The following EYA2 variants were observed in gnomAD, a reference collection of about 807,000 sequenced individuals.
The protein encoded by EYA2 is protein phosphatase EYA2.
EYA2 carries 31 observed loss-of-function variants against 69.2 expected under a neutral mutation model. The ratio of observed to expected loss-of-function variants is 0.45; its 90% CI spans 0.34 to 0.60. The LOEUF (loss-of-function observed/expected upper bound fraction) is 0.60. Among genes scored for constraint, EYA2 ranks in the 20% least tolerant of loss-of-function variants. The pLI, the probability that EYA2 is intolerant of heterozygous loss-of-function variation, is 0.02. For synonymous variants in EYA2, 257 were observed against 279.4 expected (o/e 0.92, Z 0.80); for missense variants, 622 against 701.2 (o/e 0.89, Z 1.28).
chr20:47,148,416 T>TG (rs2033752936), intron 10 of EYA2, among the ~76,000 whole-genome samples: 1 of 152,184 alleles, frequency 6.6e-6, no homozygotes, highest in African/African-American at 2.4e-5. Context: ...GATAGGCAAG[T>TG]GGGGGTTCTA....
intron 1 of EYA2, among the ~76,000 whole-genome samples, chr20:46,952,775 CTGAAA>C (rs150282525): frequency 0.036 from 5,425 of 152,278 alleles, 115 homozygotes; most frequent in East Asian, 0.058. Flanking sequence ...CCCACGCTTG[CTGAAA>C]TAAGAACCTC....
At chr20:46,970,079 C>T (rs1224435216) in intron 1 of EYA2, among the ~76,000 whole-genome samples, 1 of 152,202 alleles carries the variant, frequency 6.6e-6, no homozygotes, top group Non-Finnish European at 1.5e-5. Context: ...AAACATAGAT[C>T]AACTCAAAGG....
At chr20:46,988,850 G>A (rs1319867208) in intron 1 of EYA2, among the ~76,000 whole-genome samples, 2 of 151,938 alleles carry the variant, frequency 1.3e-5, no homozygotes, top group Admixed American at 1.3e-4. Flanking sequence ...CTACAGGCAT[G>A]TGCCACCATG....
At chr20:47,009,680 A>C (rs1378765301) in intron 4 of EYA2, among the ~76,000 whole-genome samples, 1 of 152,212 alleles carries the variant, frequency 6.6e-6, no homozygotes, top group Admixed American at 6.5e-5. Context: ...TTGTCTTAGC[A>C]GACCACACAG....
intron 5 of EYA2, among the ~76,000 whole-genome samples, chr20:47,052,400 G>A (rs2030385666): frequency 6.6e-6 from 1 of 152,152 alleles, no homozygotes; most frequent in African/African-American, 2.4e-5. Context: ...GGCAGCATCA[G>A]CATCACGAGG....
intron 9 of EYA2, among the ~76,000 whole-genome samples, chr20:47,124,048 GGA>G (rs1247336525): frequency 6.6e-6 from 1 of 152,074 alleles, no homozygotes; most frequent in Non-Finnish European, 1.5e-5. Context: ...ACATGTAGAA[GGA>G]GAGAGTCCTG....
chr20:46,959,761 C>G (rs1268116856), intron 1 of EYA2, among the ~76,000 whole-genome samples: 4 of 152,200 alleles, frequency 2.6e-5, no homozygotes, highest in Non-Finnish European at 4.4e-5. Context: ...ACGTCGTTGT[C>G]CTGCACCTGG....
intron 2 of EYA2, among the ~76,000 whole-genome samples, chr20:46,995,824 C>T (rs1981982828): frequency 6.6e-6 from 1 of 152,142 alleles, no homozygotes; most frequent in Non-Finnish European, 1.5e-5. Context: ...TAACCAAGGG[C>T]CCCCAGGAGA....
At chr20:47,114,275 C>G (rs1469763034) in intron 9 of EYA2, among the ~76,000 whole-genome samples, 2 of 152,162 alleles carry the variant, frequency 1.3e-5, no homozygotes, top group Non-Finnish European at 2.9e-5. Flanking sequence ...TTTCTGTCCC[C>G]CTTTAAGGGT....
intron 9 of EYA2, among the ~76,000 whole-genome samples, chr20:47,104,054 C>T (rs1252583884): frequency 6.6e-6 from 1 of 152,166 alleles, no homozygotes; most frequent in Admixed American, 6.5e-5. Flanking sequence ...TTTACCTTCC[C>T]ATCAGCCATG....
chr20:47,124,358 C>T (rs772958031), intron 9 of EYA2, among the ~76,000 whole-genome samples: 8 of 152,116 alleles, frequency 5.3e-5, no homozygotes, highest in Non-Finnish European at 1.2e-4. Flanking sequence ...TCACTTATGT[C>T]AAGGGTGTGC....
At chr20:47,155,798 C>T (rs1178278056) in intron 10 of EYA2, among the ~76,000 whole-genome samples, 6 of 151,500 alleles carry the variant, frequency 4.0e-5, no homozygotes, top group Non-Finnish European at 7.4e-5. Context: ...GACTTCTCTG[C>T]TAATGTCTAT....
At chr20:47,135,447 T>G (rs1167673634) in intron 9 of EYA2, among the ~76,000 whole-genome samples, 2 of 151,806 alleles carry the variant, frequency 1.3e-5, no homozygotes, top group Non-Finnish European at 2.9e-5. Context: ...TCACTAGAGA[T>G]TGGCCATTAT....
intron 9 of EYA2, among the ~76,000 whole-genome samples, chr20:47,137,698 A>T (rs1318692068): frequency 6.6e-6 from 1 of 152,130 alleles, no homozygotes; most frequent in East Asian, 1.9e-4. Flanking sequence ...CTCACTCCAG[A>T]TGTATTTCAC....
intron 2 of EYA2, among the ~76,000 whole-genome samples, chr20:46,994,238 G>A (rs1413390393): frequency 6.6e-6 from 1 of 152,208 alleles, no homozygotes; most frequent in Non-Finnish European, 1.5e-5. Context: ...AAGAGATCAT[G>A]CTCATGCAGT....
At chr20:47,082,507 T>A (rs1342279614) in intron 7 of EYA2, among the ~76,000 whole-genome samples, 1 of 152,166 alleles carries the variant, frequency 6.6e-6, no homozygotes, top group Non-Finnish European at 1.5e-5. Context: ...ATACTCAAGG[T>A]TAAATTTGGC....
intron 1 of EYA2, among the ~76,000 whole-genome samples, chr20:46,972,920 C>T (rs1305054902): frequency 6.6e-6 from 1 of 152,232 alleles, no homozygotes; most frequent in Non-Finnish European, 1.5e-5. Context: ...GAATATCTCT[C>T]TTCTTTCCAA....
intron 1 of EYA2, among the ~76,000 whole-genome samples, chr20:46,922,020 C>G: frequency 6.6e-6 from 1 of 152,176 alleles, no homozygotes; most frequent in East Asian, 1.9e-4. Flanking sequence ...GTCTACTAGA[C>G]ACAGCACTGG....
chr20:47,047,422 C>T (rs144829220), intron 5 of EYA2, among the ~76,000 whole-genome samples: 35 of 140,046 alleles, frequency 2.5e-4, no homozygotes, highest in African/African-American at 9.3e-4. Context: ...AGTCTCACTC[C>T]GTCACCCGGG....
Sources: allele counts gnomAD v4.1 joint callset (sites outside exome capture counted in the v4.1 genomes callset), GRCh38; gene constraint gnomAD v4.1.1; transcripts MANE v1.5; gene names NCBI Gene and HGNC (gene_info 2026-07-23, HGNC 2026-07-21).